NOS1: variants seen among roughly 807,000 people sequenced by gnomAD.
NOS1 encodes nitric oxide synthase 1.
NOS1 carries 51 observed loss-of-function variants against 164.5 expected under a neutral mutation model. That is an observed-to-expected ratio of 0.31 (90% CI 0.25 to 0.39). The LOEUF (loss-of-function observed/expected upper bound fraction) is 0.39, where lower values mean the gene tolerates loss of function less well. Among genes scored for constraint, NOS1 ranks in the 10% least tolerant of loss-of-function variants. The probability of loss-of-function intolerance (pLI) is 1.00; values close to 1 mark genes in which losing one functional copy is unlikely to be tolerated. For missense variants in NOS1, 1,362 were observed against 1,885.6 expected (o/e 0.72, Z 5.14); for synonymous variants, 719 against 745.8 (o/e 0.96, Z 0.59).
chr12:117,301,915 T>C (rs1024268148), intron 3 of NOS1: 2 of 446,194 alleles, frequency 4.5e-6, no homozygotes, highest in Non-Finnish European at 9.1e-6. Context: ...AGAACAATAG[T>C]AACGACCCCA....
intron 20 of NOS1, among the ~76,000 whole-genome samples, chr12:117,241,094 C>G (rs572981349): frequency 3.9e-5 from 6 of 152,134 alleles, no homozygotes; most frequent in African/African-American, 1.4e-4. Flanking sequence ...CCCCCACAAC[C>G]ACGCCTGGCT....
intron 25 of NOS1, 126 bp from the exon 26 acceptor site, chr12:117,222,989 G>A: frequency 9.2e-7 from 1 of 1,086,578 alleles, no homozygotes; most frequent in South Asian, 1.5e-5. Flanking sequence ...ACAAACACTA[G>A]GACAGGCAGA....
At chr12:117,276,217 C>T (rs144298824) in intron 9 of NOS1, among the ~76,000 whole-genome samples, 61 of 152,204 alleles carry the variant, frequency 4.0e-4, no homozygotes, top group African/African-American at 1.1e-3. Context: ...TTAAAACATA[C>T]AATTATGTTA....
At chr12:117,316,585 G>A (rs1053440229) in intron 2 of NOS1, among the ~76,000 whole-genome samples, 1 of 152,200 alleles carries the variant, frequency 6.6e-6, no homozygotes, top group African/African-American at 2.4e-5. Context: ...CTAAACATGA[G>A]TGATGTATAT....
intron 9 of NOS1, among the ~76,000 whole-genome samples, chr12:117,276,831 G>A (rs1873224086): frequency 6.6e-6 from 1 of 152,126 alleles, no homozygotes; most frequent in Admixed American, 6.5e-5. Context: ...TTTTGCAGCT[G>A]TATAGTACTT....
chr12:117,331,048 C>T lies in NOS1; in HGVS notation c.22G>A (p.Val8Ile), dbSNP rs375081888. The change falls in exon 2 of 29, where the codon GTT becomes ATT. Residue 8 changes from valine to isoleucine, a missense_variant. Physicochemically the swap from Val to Ile is conservative, Grantham distance 29. Around this residue, in one of 4 missense-constraint regions of NOS1, gnomAD observed 362 missense variants for 402.0 expected, o/e 0.90. Transcript: ENST00000317775. Reference sequence around the variant, plus strand: ...ATGACATTGGGCTGGATTTGCTGAACACCGAACATGTGATCCTCCATGGTA... The same window carrying T: ...ATGACATTGGGCTGGATTTGCTGAATACCGAACATGTGATCCTCCATGGTA... MEDHMFG[V>I]QQIQPNVISV... 1.6e-4 allele frequency: 254 copies of T among 1,612,722 alleles called. 1 individual carries two copies. The highest frequency in any genetic ancestry group is 2.1e-4 in the Non-Finnish European group (251 of 1,179,126).
At chr12:117,251,632 T>C (rs1427415614) in intron 17 of NOS1, among the ~76,000 whole-genome samples, 1 of 151,216 alleles carries the variant, frequency 6.6e-6, no homozygotes, top group African/African-American at 2.4e-5. Context: ...GGTCCCAATA[T>C]GTTGCCCAGG....
chr12:117,227,331 G>A, intron 23 of NOS1, 100 bp downstream of exon 23: 5 of 1,119,130 alleles, frequency 4.5e-6, no homozygotes, highest in Non-Finnish European at 6.5e-6. Context: ...TTCTTCCCAG[G>A]GATTTGGGAT....
At chr12:117,335,729 T>TGGGAGAGAGA (rs368456314) in intron 1 of NOS1, among the ~76,000 whole-genome samples, 18 of 112,602 alleles carry the variant, frequency 1.6e-4, no homozygotes, top group African/African-American at 6.1e-4. Context: ...ACAGACTATA[T>TGGGAGAGAGA]GAGAGAGAGA....
At chr12:117,216,184 A>ATTTTTT (rs35267348) in intron 28 of NOS1, among the ~76,000 whole-genome samples, 2,416 of 125,646 alleles carry the variant, frequency 0.019, 92 homozygotes, top group African/African-American at 0.07. Flanking sequence ...GTCAAAAGGG[A>ATTTTTT]TTTTTTTTTT....
intron 25 of NOS1, 98 bp downstream of exon 25, chr12:117,224,918 G>A (rs1425203408): frequency 6.7e-7 from 1 of 1,497,068 alleles, no homozygotes; most frequent in Non-Finnish European, 9.3e-7. Context: ...GTGATGCCGT[G>A]GAGAGACACC....
intron 22 of NOS1, among the ~76,000 whole-genome samples, chr12:117,231,688 A>G (rs1025795039): frequency 3.3e-5 from 5 of 152,250 alleles, no homozygotes; most frequent in Admixed American, 3.3e-4. Flanking sequence ...TGGAAGCTCA[A>G]GGTTCCAGAA....
intron 4 of NOS1, among the ~76,000 whole-genome samples, chr12:117,290,089 C>T (rs11835908): frequency 3.3e-4 from 51 of 152,272 alleles, no homozygotes; most frequent in African/African-American, 1.1e-3. Flanking sequence ...AGTGTTTGCC[C>T]AAGACGGCAG....
At position 117,209,416 on chromosome 12, in the gene NOS1, A is replaced by G. The variant is rs1457453770; in HGVS notation, c.*5893T>C. 3 of 985,334 alleles carry G rather than the reference A, an allele frequency of 3.0e-6. No homozygotes were observed. Among genetic ancestry groups the G allele is most frequent in the African/African-American group, 3.5e-5 (2 of 57,246 alleles). 61.0% of individuals were successfully genotyped at this position (985,334 alleles called of 1,614,324 possible). ...TGCTAAGGTTGACAGACCCTGCGCT[A>G]CAGTCTCCTAGAACTTAGGAGTCAA... is the stretch of plus-strand genomic sequence containing the variant. On this transcript the variant is annotated 3_prime_UTR_variant, in exon 29 of 29. Transcript: ENST00000317775.
intron 13 of NOS1, among the ~76,000 whole-genome samples, chr12:117,262,327 T>A (rs1871974104): frequency 6.6e-6 from 1 of 151,772 alleles, no homozygotes; most frequent in Non-Finnish European, 1.5e-5. Flanking sequence ...TCCCTGAGAA[T>A]ATCTGAGATA....
rs113719220 is a variant in NOS1 at position 117,342,677 on chromosome 12, T to C, written c.-420-11188A>G. ...TTTATTCTTAGAGCGATGGCAAGCA[T>C]TGGAGGGTTTTGAGACAAGAAGTAC... On this transcript the variant is annotated intron_variant, in intron 1 of 28. Coordinates refer to ENST00000317775, the MANE Select transcript of NOS1 (RefSeq NM_000620.5). Among the ~76,000 whole-genome samples the C allele has an allele frequency of 5.9e-3, 892 of 152,112 alleles. 8 individuals carry two copies. The highest frequency in any genetic ancestry group is 0.036 in the East Asian group (184 of 5,156).
At chr12:117,329,882 C>G (rs1875443170) in intron 2 of NOS1, among the ~76,000 whole-genome samples, 1 of 152,152 alleles carries the variant, frequency 6.6e-6, no homozygotes, top group South Asian at 2.1e-4. Flanking sequence ...GCCCAGGGCT[C>G]AGCTCTTCCC....
intron 18 of NOS1, among the ~76,000 whole-genome samples, chr12:117,246,842 C>T (rs1870655733): frequency 1.3e-5 from 2 of 152,156 alleles, no homozygotes; most frequent in South Asian, 4.1e-4. Flanking sequence ...TATTCCATTG[C>T]ATTGATGTAC....
At chr12:117,329,977 A>T (rs1258167007) in intron 2 of NOS1, among the ~76,000 whole-genome samples, 1 of 152,188 alleles carries the variant, frequency 6.6e-6, no homozygotes. Flanking sequence ...AACCTCAGGA[A>T]GGGCAGCCTC....
Sources: gnomAD v4.1 joint callset for allele counts (sites outside exome capture counted in the v4.1 genomes callset) on GRCh38, gnomAD v4.1.1 for gene constraint, gnomAD v4.1.1 regional missense constraint, MANE v1.5 for transcripts, NCBI Gene and HGNC (gene_info 2026-07-23, HGNC 2026-07-21) for gene names.